COL4A2: variants seen among roughly 807,000 people sequenced by gnomAD.
The protein encoded by COL4A2 is collagen type IV alpha 2 chain.
A neutral mutation model predicts 200.2 loss-of-function variants in COL4A2; 99 were observed. The ratio of observed to expected loss-of-function variants is 0.49; its 90% confidence interval spans 0.42 to 0.58. The LOEUF is 0.58. Ranked by LOEUF, COL4A2 falls within the 20% of genes least tolerant of loss-of-function variation. COL4A2 has a pLI of 0.00. For missense variants in COL4A2, 1,950 were observed against 2,314.1 expected, an observed-to-expected ratio of 0.84 and a Z score of 3.23; for synonymous variants, 897 against 900.6, an observed-to-expected ratio of 1.00 and a Z score of 0.07.
chr13:110,448,967 G>T (rs946410020), intron 18 of COL4A2, among the ~76,000 whole-genome samples: 1 of 152,226 alleles, frequency 6.6e-6, no homozygotes, highest in Non-Finnish European at 1.5e-5. Flanking sequence ...CTGCACACTC[G>T]GCACGAAGCT....
At chr13:110,395,902 G>A (rs923452257) in intron 4 of COL4A2, among the ~76,000 whole-genome samples, 2 of 152,178 alleles carry the variant, frequency 1.3e-5, no homozygotes, top group East Asian at 3.9e-4. Context: ...CCAAGATCGC[G>A]CCACAGCACT....
rs749867885 is a variant in COL4A2 at position 110,428,627 on chromosome 13, C to T, written c.477+44C>T. The stretch of plus-strand genomic sequence containing the variant: ...CCTGTGCTCCAGGGACGGGCAGACC[C>T]CTGCTAAGCCCTGCCTTTATAACCT... On this transcript the variant is annotated intron_variant, in intron 7 of 47. Coordinates refer to ENST00000360467, the MANE Select transcript of COL4A2 (RefSeq NM_001846.4). 8.0e-6 allele frequency: 9 copies of T among 1,118,526 alleles called. No homozygotes were observed. The African/African-American group carries it at 1.1e-4, about 14-fold the overall frequency. The allele number at this position is 1,118,526 out of a possible 1,614,324, so 69.3% of individuals were successfully genotyped here.
intron 35 of COL4A2, 79 bp downstream of exon 35, chr13:110,489,587 C>G: frequency 6.3e-7 from 1 of 1,585,180 alleles, no homozygotes; most frequent in Non-Finnish European, 8.7e-7. Flanking sequence ...TTCAGACCTG[C>G]AAGTGCTGTT....
intron 4 of COL4A2, among the ~76,000 whole-genome samples, chr13:110,383,505 G>C (rs1376644058): frequency 6.6e-6 from 1 of 150,666 alleles, no homozygotes; most frequent in Non-Finnish European, 1.5e-5. Context: ...AATAGATTTT[G>C]TTGGGGGGTG....
intron 16 of COL4A2, among the ~76,000 whole-genome samples, chr13:110,443,815 A>T (rs549364595): frequency 6.6e-6 from 1 of 152,150 alleles, no homozygotes; most frequent in South Asian, 2.1e-4. Context: ...TGACTCTGGG[A>T]GCGCCTGGGT....
At chr13:110,462,744 C>A (rs1882078722) in intron 24 of COL4A2, among the ~76,000 whole-genome samples, 1 of 152,114 alleles carries the variant, frequency 6.6e-6, no homozygotes. Flanking sequence ...ATTTTTGCAA[C>A]AAACACACAC....
chr13:110,476,667 C>T (rs1051624961), intron 29 of COL4A2, among the ~76,000 whole-genome samples: 2 of 152,198 alleles, frequency 1.3e-5, no homozygotes, highest in Non-Finnish European at 2.9e-5. Flanking sequence ...AAAGTGGTGG[C>T]AGGAGTGTGC....
In COL4A2 at chr13:110,472,911, AC is replaced by A; in HGVS notation, c.2204-15del. 1 of 1,548,292 alleles carries A rather than the reference AC, an allele frequency of 6.5e-7. No individual in the cohort carries two copies. Among genetic ancestry groups the A allele is most frequent in the Non-Finnish European group, 8.7e-7 (1 of 1,144,522 alleles). On this transcript the variant is annotated splice_polypyrimidine_tract_variant and intron_variant, in intron 28 of 47. Transcript: ENST00000360467. ...CATGCTAACTTGTGGTTTGGGGCCC[AC>A]CCATGTTTCCTTTTAGGGTTCATAG...
chr13:110,363,760 G>C (rs1233070409), intron 4 of COL4A2, among the ~76,000 whole-genome samples: 1 of 152,174 alleles, frequency 6.6e-6, no homozygotes, highest in East Asian at 1.9e-4. Context: ...CATGTAGATA[G>C]CCAGGATTTT....
intron 16 of COL4A2, among the ~76,000 whole-genome samples, chr13:110,441,309 G>T (rs1314721989): frequency 6.6e-6 from 1 of 152,130 alleles, no homozygotes; most frequent in African/African-American, 2.4e-5. Context: ...ACCACAGATG[G>T]ACCTGCCTCC....
intron 22 of COL4A2, among the ~76,000 whole-genome samples, chr13:110,460,701 G>GT: frequency 6.6e-6 from 1 of 152,292 alleles, no homozygotes; most frequent in South Asian, 2.1e-4. Flanking sequence ...CCATTTGGGA[G>GT]TTTTTTGGTT....
At chr13:110,349,902 T>C (rs1294948884) in intron 3 of COL4A2, among the ~76,000 whole-genome samples, 3 of 152,168 alleles carry the variant, frequency 2.0e-5, no homozygotes, top group Admixed American at 2.0e-4. Context: ...TAGTTGGTAT[T>C]ACAAGCGTGA....
chr13:110,444,524 T>C (rs1881252001), intron 16 of COL4A2, among the ~76,000 whole-genome samples: 1 of 152,148 alleles, frequency 6.6e-6, no homozygotes. Context: ...TGAGAGAAAG[T>C]CCGGGTCCAA....
intron 45 of COL4A2, among the ~76,000 whole-genome samples, chr13:110,505,162 A>T (rs1023811246): frequency 3.3e-5 from 5 of 151,502 alleles, no homozygotes; most frequent in Admixed American, 2.0e-4. Context: ...CATCCTGGCT[A>T]ACACGGTGAA....
At chr13:110,431,665 C>T (rs1261707677) in intron 10 of COL4A2, among the ~76,000 whole-genome samples, 1 of 152,184 alleles carries the variant, frequency 6.6e-6, no homozygotes, top group African/African-American at 2.4e-5. Flanking sequence ...AAGTCCGGCA[C>T]AACAGATTGT....
At chr13:110,448,725 T>C (rs1462607443) in intron 18 of COL4A2, among the ~76,000 whole-genome samples, 1 of 152,056 alleles carries the variant, frequency 6.6e-6, no homozygotes, top group African/African-American at 2.4e-5. Context: ...GAATCAACAA[T>C]GGCTAACAGG....
At chr13:110,437,644 G>A (rs765800904) in intron 13 of COL4A2, among the ~76,000 whole-genome samples, 7 of 152,078 alleles carry the variant, frequency 4.6e-5, no homozygotes, top group Non-Finnish European at 1.0e-4. Context: ...GTTTTCTTCC[G>A]AAGAGTATTT....
intron 4 of COL4A2, among the ~76,000 whole-genome samples, chr13:110,371,882 A>G (rs373786910): frequency 1.2e-3 from 185 of 152,190 alleles, no homozygotes; most frequent in South Asian, 4.1e-3. Flanking sequence ...ACTGATCTCT[A>G]TATGCTGTTG....
intron 19 of COL4A2, 105 bp downstream of exon 19, chr13:110,449,894 A>G: frequency 8.1e-7 from 1 of 1,241,426 alleles, no homozygotes; most frequent in South Asian, 1.4e-5. Flanking sequence ...TGTCGTTGTT[A>G]CTTTTCCCCA....
Sources: allele counts gnomAD v4.1 joint callset (sites outside exome capture counted in the v4.1 genomes callset), GRCh38; gene constraint gnomAD v4.1.1; transcripts MANE v1.5; gene names NCBI Gene and HGNC (gene_info 2026-07-23, HGNC 2026-07-21).